The following RYR3 variants were observed in gnomAD, a reference collection of about 807,000 sequenced individuals.
The protein encoded by RYR3 is ryanodine receptor 3, also known as brain ryanodine receptor-calcium release channel.
A neutral mutation model predicts 584.3 loss-of-function variants in RYR3; 207 were observed. The observed-to-expected ratio is 0.35, with a 90% confidence interval of 0.32 to 0.40. The LOEUF is 0.40. RYR3 is among the 10% of genes least tolerant of loss of function. The pLI is 1.00. For missense variants in RYR3, 5,616 were observed against 6,089.2 expected, an observed-to-expected ratio of 0.92 and a Z score of 2.59; for synonymous variants, 2,416 against 2,248.5, an observed-to-expected ratio of 1.07 and a Z score of -2.11.
intron 1 of RYR3, among the ~76,000 whole-genome samples, chr15:33,467,966 C>A (rs911976474): frequency 2.0e-5 from 3 of 152,142 alleles, no homozygotes; most frequent in Admixed American, 6.5e-5. Context: ...TTTGTCAACA[C>A]CATCACCATG....
chr15:33,510,100 C>G (rs113568347), intron 3 of RYR3, among the ~76,000 whole-genome samples: 1 of 152,160 alleles, frequency 6.6e-6, no homozygotes, highest in Non-Finnish European at 1.5e-5. Context: ...AAAAGCTTGT[C>G]GAAACCTGCG....
chr15:33,857,386 A>T (rs1310640927), intron 98 of RYR3, among the ~76,000 whole-genome samples: 1 of 150,760 alleles, frequency 6.6e-6, no homozygotes, highest in Non-Finnish European at 1.5e-5. Context: ...TTTTCTTCTA[A>T]GGATGCCGGT....
chr15:33,565,244 C>G (rs1243034384), intron 11 of RYR3, among the ~76,000 whole-genome samples: 2 of 152,216 alleles, frequency 1.3e-5, no homozygotes, highest in Non-Finnish European at 2.9e-5. Context: ...GACCAGAAAT[C>G]TGGGACCCAG....
intron 1 of RYR3, among the ~76,000 whole-genome samples, chr15:33,381,451 A>G (rs1434232307): frequency 6.6e-6 from 1 of 152,154 alleles, no homozygotes; most frequent in Non-Finnish European, 1.5e-5. Context: ...AACCTTGAGC[A>G]TCTCAGTTCA....
At position 33,830,986 on chromosome 15, in the gene RYR3, GTAT is replaced by G; in HGVS notation, c.11363_11365del (p.Tyr3788del). ...AGGAATCAATCAGTGATTTCTACTG[GTAT>G]TATTCAGGGAAGGACATCATTGATG... is the stretch of plus-strand genomic sequence containing the variant. On this transcript the variant is annotated inframe_deletion, in exon 86 of 104. Transcript: ENST00000634891. The G allele has an allele frequency of 6.2e-7, 1 of 1,613,536 alleles. No individual in the cohort carries two copies. Among genetic ancestry groups the G allele is most frequent in the Admixed American group, 1.7e-5 (1 of 60,000 alleles).
chr15:33,384,677 C>G (rs1425312468), intron 1 of RYR3, among the ~76,000 whole-genome samples: 1 of 66,868 alleles, frequency 1.5e-5, no homozygotes, highest in Non-Finnish European at 3.5e-5. Flanking sequence ...CACATACTTA[C>G]CATTTTTTTG....
rs60825795 is a variant in RYR3, at chr15:33,380,507, G to A, written c.51+69411G>A. 3.1e-3 allele frequency among the ~76,000 whole-genome samples: 467 copies of A among 152,328 alleles called. 5 individuals carry two copies. Among genetic ancestry groups the A allele is most frequent in the African/African-American group, 0.01 (433 of 41,566 alleles). On this transcript the variant is annotated intron_variant, in intron 1 of 103. Transcript: ENST00000634891. The stretch of plus-strand genomic sequence containing the variant: ...AAGGCTGAACTAGAGATGGCTGAGC[G>A]ATTAGCTACTAGGGTGATAAGCACT...
Position 33,841,959 on chromosome 15 carries a change from G to T in RYR3, c.13133G>T (p.Gly4378Val). ...EVTKKKKRRC[G>V]QKVEKPEAFT... is the part of the protein sequence containing the mutation. ...ACAAAAAAGAAGAAGCGGCGGTGTG[G>T]TCAGAAGGTTGAGAAGCCGGAAGCT... The change falls in exon 91 of 104, where the codon GGT becomes GTT. Residue 4378 changes from glycine to valine, a missense_variant. Gly to Val is a moderately radical substitution (Grantham distance 109). Transcript: ENST00000634891. 2 of 1,602,772 alleles carry T rather than the reference G, an allele frequency of 1.2e-6. No individual in the cohort carries two copies. Among genetic ancestry groups the T allele is most frequent in the South Asian group, 1.1e-5 (1 of 88,726 alleles).
chr15:33,509,767 C>T (rs1242967917), intron 3 of RYR3, among the ~76,000 whole-genome samples: 1 of 152,162 alleles, frequency 6.6e-6, no homozygotes. Context: ...AAGCCACTGC[C>T]TCAAGCTGTC....
At chr15:33,324,123 A>C (rs1379397663) in intron 1 of RYR3, among the ~76,000 whole-genome samples, 1 of 151,514 alleles carries the variant, frequency 6.6e-6, no homozygotes, top group Non-Finnish European at 1.5e-5. Flanking sequence ...CTTTTGGATT[A>C]AGGTTTTATC....
intron 1 of RYR3, among the ~76,000 whole-genome samples, chr15:33,458,776 T>A (rs2047777394): frequency 6.6e-6 from 1 of 152,156 alleles, no homozygotes; most frequent in South Asian, 2.1e-4. Context: ...AGGCTCTATT[T>A]TAGAGTAATG....
At chr15:33,500,130 C>G (rs1372717679) in intron 2 of RYR3, among the ~76,000 whole-genome samples, 1 of 152,178 alleles carries the variant, frequency 6.6e-6, no homozygotes, top group African/African-American at 2.4e-5. Context: ...GAATAAGGCA[C>G]AGATTCTTTC....
At chr15:33,479,064 A>T (rs1437413642) in intron 2 of RYR3, among the ~76,000 whole-genome samples, 1 of 148,816 alleles carries the variant, frequency 6.7e-6, no homozygotes, top group Non-Finnish European at 1.5e-5. Context: ...TCCAATGGAA[A>T]TTTTCATTTT....
intron 12 of RYR3, among the ~76,000 whole-genome samples, chr15:33,571,210 G>C (rs1245518826): frequency 6.6e-6 from 1 of 152,216 alleles, no homozygotes; most frequent in Non-Finnish European, 1.5e-5. Flanking sequence ...GTGCGATATT[G>C]ACTGTAGGGT....
chr15:33,823,176 TGA>T lies in RYR3; in HGVS notation c.11072+110_11072+111del, dbSNP rs939337464. 16 of 882,944 alleles carry T rather than the reference TGA, an allele frequency of 1.8e-5. No individual in the cohort carries two copies. The African/African-American group carries it at 2.3e-4, about 13-fold the overall frequency. 54.7% of individuals were successfully genotyped at this position (882,944 alleles called of 1,614,324 possible). On this transcript the variant is annotated intron_variant, in intron 81 of 103. Transcript: ENST00000634891. ...ATATACTGGCCTACCATAGAATTCT[TGA>T]GAGAGGAAGCACCTACTTAGAAAGC...
intron 95 of RYR3, among the ~76,000 whole-genome samples, 182 bp from the exon 96 acceptor site, chr15:33,853,372 AT>A (rs1428852427): frequency 1.3e-5 from 2 of 152,186 alleles, no homozygotes; most frequent in African/African-American, 2.4e-5. Context: ...AAAAACAGTT[AT>A]CATTTAATTG....
intron 3 of RYR3, among the ~76,000 whole-genome samples, chr15:33,517,630 C>T (rs956537933): frequency 4.6e-5 from 7 of 152,320 alleles, no homozygotes; most frequent in East Asian, 1.9e-4. Context: ...GATATCTTTG[C>T]GCAAACCCCT....
At chr15:33,811,656 A>G (rs1003432398) in intron 72 of RYR3, among the ~76,000 whole-genome samples, 1 of 144,316 alleles carries the variant, frequency 6.9e-6, no homozygotes, top group Non-Finnish European at 1.5e-5. Flanking sequence ...ATCTATTCCC[A>G]TTTCCCATTA....
At chr15:33,580,561 T>A (rs2058538810) in intron 13 of RYR3, among the ~76,000 whole-genome samples, 1 of 152,172 alleles carries the variant, frequency 6.6e-6, no homozygotes, top group South Asian at 2.1e-4. Context: ...AGACGCTGTC[T>A]TATGTCAGAA....
Sources: gnomAD v4.1 joint callset for allele counts (sites outside exome capture counted in the v4.1 genomes callset) on GRCh38, gnomAD v4.1.1 for gene constraint, MANE v1.5 for transcripts, NCBI Gene and HGNC (gene_info 2026-07-23, HGNC 2026-07-21) for gene names.